Variants in CAMTA1 observed in about 807,000 individuals in gnomAD.
CAMTA1 encodes calmodulin binding transcription activator 1.
Under a neutral mutation model 170.9 loss-of-function variants are expected in CAMTA1, and 27 were observed. The observed-to-expected ratio is 0.16, with a 90% confidence interval of 0.12 to 0.22. The LOEUF (loss-of-function observed/expected upper bound fraction) is 0.22. Among genes scored for constraint, CAMTA1 ranks in the 10% least tolerant of loss-of-function variants. The probability of loss-of-function intolerance (pLI) is 1.00; values close to 1 mark genes in which losing one functional copy is unlikely to be tolerated. For synonymous variants in CAMTA1, 833 were observed against 891.5 expected (o/e 0.93, Z 1.17); for missense variants, 1,619 against 2,217.2 (o/e 0.73, Z 5.42).
chr1:7,031,192 T>C (rs749398252), intron 3 of CAMTA1, among the ~76,000 whole-genome samples: 1 of 152,042 alleles, frequency 6.6e-6, no homozygotes, highest in Non-Finnish European at 1.5e-5. Context: ...ATTACAGTTG[T>C]AGATTTGTCT....
chr1:6,913,514 C>T (rs1419584140), intron 3 of CAMTA1, among the ~76,000 whole-genome samples: 1 of 152,196 alleles, frequency 6.6e-6, no homozygotes, highest in African/African-American at 2.4e-5. Flanking sequence ...TACCTTGCCT[C>T]CCTTTCCCCC....
At chr1:7,500,005 A>C (rs1361693473) in intron 6 of CAMTA1, among the ~76,000 whole-genome samples, 3 of 132,242 alleles carry the variant, frequency 2.3e-5, no homozygotes, top group Admixed American at 7.6e-5. Flanking sequence ...GTGTGTGTGC[A>C]TATGTGCACA....
intron 4 of CAMTA1, among the ~76,000 whole-genome samples, chr1:7,225,177 C>T (rs1052400564): frequency 5.3e-5 from 8 of 152,114 alleles, no homozygotes; most frequent in African/African-American, 7.2e-5. Context: ...CTCTGCCTCC[C>T]GGGCTCATGC....
intron 1 of CAMTA1, among the ~76,000 whole-genome samples, chr1:6,809,801 C>G (rs1283386899): frequency 6.6e-6 from 1 of 151,818 alleles, no homozygotes; most frequent in African/African-American, 2.4e-5. Context: ...TTCAGGGTTG[C>G]TGAGTGTGGA....
rs1666278744 is a variant in CAMTA1, at chr1:7,249,248, G to A, written c.303-243G>A. Among the ~76,000 whole-genome samples, 1 of 152,118 alleles carries A rather than the reference G, an allele frequency of 6.6e-6. No individual in the cohort carries two copies. The highest frequency in any genetic ancestry group is 2.1e-4 in the South Asian group (1 of 4,828). On this transcript the variant is annotated intron_variant, in intron 4 of 22. Transcript: ENST00000303635. The surrounding 1 kb of genome is among the most constrained non-coding windows in gnomAD (Gnocchi z 4.4). Reference sequence around the variant, plus strand: ...CTGATTACTTTGTGGTTATTACTGAGGGGATGTTTTTTAAGCCTATCATTG... The same window carrying A: ...CTGATTACTTTGTGGTTATTACTGAAGGGATGTTTTTTAAGCCTATCATTG...
Position 7,680,225 on chromosome 1 carries a change from C to T in CAMTA1, c.2914+2492C>T, listed in dbSNP as rs1350233647. 7.4e-6 allele frequency: 2 copies of T among 269,140 alleles called. No individual in the cohort carries two copies. Among genetic ancestry groups the T allele is most frequent in the Non-Finnish European group, 1.6e-5 (2 of 122,828 alleles). The allele number at this position is 269,140 out of a possible 1,614,324, so 16.7% of individuals were successfully genotyped here. A position where few individuals can be genotyped will look rare whatever the true frequency, so the allele number is the denominator to read the frequency against. Reference sequence around the variant, plus strand: ...CAGTGGCCGGGCGGTGGTGAGCCTTCCGTTCCCCGCCTGTCCCTCCCGGCC... The same window carrying T: ...CAGTGGCCGGGCGGTGGTGAGCCTTTCGTTCCCCGCCTGTCCCTCCCGGCC... On this transcript the variant is annotated intron_variant, in intron 11 of 22. Transcript: ENST00000303635. The surrounding 1 kb of genome is among the most constrained non-coding windows in gnomAD (Gnocchi z 4.4).
intron 1 of CAMTA1, among the ~76,000 whole-genome samples, chr1:6,804,424 G>T (rs147797959): frequency 6.6e-6 from 1 of 151,310 alleles, no homozygotes; most frequent in Non-Finnish European, 1.5e-5. Flanking sequence ...TACATGTTTC[G>T]TGCAACTGTC....
chr1:6,858,994 A>G (rs1449741042), intron 3 of CAMTA1, among the ~76,000 whole-genome samples: 1 of 152,222 alleles, frequency 6.6e-6, no homozygotes, highest in Non-Finnish European at 1.5e-5. Context: ...TCCCATAGAA[A>G]TTATCTTATT....
chr1:7,511,298 C>T (rs919862882), intron 6 of CAMTA1, among the ~76,000 whole-genome samples: 3 of 145,502 alleles, frequency 2.1e-5, no homozygotes, highest in Non-Finnish European at 3.1e-5. Context: ...CTAGTAGCTC[C>T]GTGACCTTGA....
At chr1:7,096,610 C>T (rs1290609260) in intron 4 of CAMTA1, among the ~76,000 whole-genome samples, 2 of 152,174 alleles carry the variant, frequency 1.3e-5, no homozygotes, top group Non-Finnish European at 2.9e-5. Context: ...CAGGTGGCTC[C>T]TTTTTCTCCT....
At chr1:6,968,263 G>A (rs1406395984) in intron 3 of CAMTA1, among the ~76,000 whole-genome samples, 1 of 152,192 alleles carries the variant, frequency 6.6e-6, no homozygotes, top group African/African-American at 2.4e-5. Context: ...AGAGAGCAAG[G>A]CATGTATCGT....
At chr1:7,074,615 A>G (rs1227469338) in intron 3 of CAMTA1, among the ~76,000 whole-genome samples, 2 of 152,202 alleles carry the variant, frequency 1.3e-5, no homozygotes, top group East Asian at 1.9e-4. Context: ...TTCTTCATTA[A>G]TGTTTTTAAT....
rs1657801251 is a variant in CAMTA1, at chr1:6,845,659, G to A, written c.234+20449G>A. ...TTAAGTGCTGCTTCTTGGAGATATG[G>A]AAGTTTCAGTTTAGTAATTGCTTCT... On this transcript the variant is annotated intron_variant, in intron 3 of 22. Coordinates refer to ENST00000303635, the MANE Select transcript of CAMTA1 (RefSeq NM_015215.4). Among the ~76,000 whole-genome samples the A allele has an allele frequency of 5.3e-5, 8 of 152,190 alleles. No homozygotes were observed. In the South Asian group the frequency reaches 1.7e-3, roughly 32 times the overall value.
rs576226270 is a variant in CAMTA1 at position 7,664,538 on chromosome 1, C to T, written c.1991C>T (p.Thr664Met). 1.6e-5 allele frequency: 26 copies of T among 1,613,236 alleles called. 1 individual carries two copies. The highest frequency in any genetic ancestry group is 1.1e-4 in the South Asian group (10 of 91,086). Residue 664 changes from threonine to methionine, a missense_variant, in exon 9 of 23, where the codon ACG becomes ATG. Around this residue, in one of 8 missense-constraint regions of CAMTA1, gnomAD observed 731 missense variants for 907.6 expected, o/e 0.81. Transcript: ENST00000303635. ...AGCTCCTGCAGCGGTCACGTGGAGA[C>T]GCGGATCGAGTCCACTTCCTCCCTC... ...QTSSCSGHVE[T>M]RIESTSSLHL...
intron 5 of CAMTA1, among the ~76,000 whole-genome samples, chr1:7,447,921 A>C (rs912881500): frequency 2.6e-5 from 4 of 152,224 alleles, no homozygotes; most frequent in Non-Finnish European, 5.9e-5. Context: ...CCAAGGTCAC[A>C]TGGCAATCAA....
At position 6,934,762 on chromosome 1, in the gene CAMTA1, C is replaced by T. The variant is rs1190075572; in HGVS notation, c.234+109552C>T. ...TTCAGTGAAGGTATCTTGCAGAGGG[C>T]GTATGGTTGGAGAGGAAGGCAGGGC... On this transcript the variant is annotated intron_variant, in intron 3 of 22. Transcript: ENST00000303635. The surrounding 1 kb of genome is among the most constrained non-coding windows in gnomAD (Gnocchi z 4.5). Among the ~76,000 whole-genome samples the T allele has an allele frequency of 5.9e-5, 9 of 151,858 alleles. No individual in the cohort carries two copies. Among genetic ancestry groups the T allele is most frequent in the South Asian group, 4.2e-4 (2 of 4,816 alleles).
chr1:7,107,721 G>T (rs988453705), intron 4 of CAMTA1, among the ~76,000 whole-genome samples: 1 of 152,202 alleles, frequency 6.6e-6, no homozygotes, highest in African/African-American at 2.4e-5. Flanking sequence ...TCCCTGAGCT[G>T]CAGGGCTGTC....
chr1:7,689,470 T>A (rs1045483128), intron 11 of CAMTA1, among the ~76,000 whole-genome samples: 1 of 151,972 alleles, frequency 6.6e-6, no homozygotes, highest in Admixed American at 6.6e-5. Flanking sequence ...TCCCAGCTAC[T>A]CGGGAGGCTG....
At chr1:7,194,423 C>T (rs189141592) in intron 4 of CAMTA1, among the ~76,000 whole-genome samples, 36 of 152,130 alleles carry the variant, frequency 2.4e-4, no homozygotes, top group Admixed American at 1.8e-3. Context: ...AATATTTATA[C>T]GTGAAATTTT....
Sources: allele counts gnomAD v4.1 joint callset (sites outside exome capture counted in the v4.1 genomes callset), GRCh38; gene constraint gnomAD v4.1.1; regional missense constraint gnomAD v4.1.1; non-coding constraint Gnocchi (gnomAD v3.1); transcripts MANE v1.5; gene names NCBI Gene and HGNC (gene_info 2026-07-23, HGNC 2026-07-21).